The following UTP20 variants were observed in gnomAD, a reference collection of about 807,000 sequenced individuals.
UTP20 encodes small subunit processome component 20 homolog.
Under a neutral mutation model 329.5 loss-of-function variants are expected in UTP20, and 164 were observed. The ratio of observed to expected loss-of-function variants is 0.50; its 90% CI spans 0.44 to 0.57. UTP20 has a LOEUF of 0.57. UTP20 is among the 20% of genes least tolerant of loss of function. The pLI, the probability that UTP20 is intolerant of heterozygous loss-of-function variation, is 0.00. For synonymous variants in UTP20, 1,151 were observed against 1,159.3 expected, an observed-to-expected ratio of 0.99 and a Z score of 0.14; for missense variants, 3,055 against 3,284.2, an observed-to-expected ratio of 0.93 and a Z score of 1.71.
rs1221984289 is a variant in UTP20 at position 101,346,491 on chromosome 12, A to G, written c.4787A>G (p.Gln1596Arg). 1.9e-6 allele frequency: 3 copies of G among 1,610,242 alleles called. No homozygotes were observed. The highest frequency in any genetic ancestry group is 1.1e-5 in the South Asian group (1 of 90,086). ...AGAGCCTTGAAGAAACTTGCAAAAC[A>G]ACTAATGGAAGGCAAAGTTGTTCTG... ...RARALKKLAK[Q>R]LMEGKVVLSS... Residue 1596 changes from glutamine to arginine, a missense_variant, in exon 38 of 62, where the codon CAA (glutamine) becomes CGA (arginine). By Grantham distance (43) the Gln-to-Arg change is conservative. Around this residue, in one of 3 missense-constraint regions of UTP20, gnomAD observed 2,445 missense variants for 2,575.5 expected, o/e 0.95. Transcript: ENST00000261637.
chr12:101,280,589 C>T (rs1041162191), intron 1 of UTP20, among the ~76,000 whole-genome samples: 27 of 152,318 alleles, frequency 1.8e-4, no homozygotes, highest in Non-Finnish European at 3.5e-4. Context: ...ATTCACTATT[C>T]CAGGAGATTG....
Position 101,293,193 on chromosome 12 carries a change from G to A in UTP20, c.1199G>A (p.Arg400His), listed in dbSNP as rs201186982. 3.3e-5 allele frequency: 54 copies of A among 1,613,970 alleles called. No individual in the cohort carries two copies. The African/African-American group carries it at 4.1e-4, about 12-fold the overall frequency. The change falls in exon 11 of 62, where the codon CGT becomes CAT. Residue 400 changes from arginine to histidine, a missense_variant. Arg to His is a conservative substitution (Grantham distance 29). Transcript: ENST00000261637. ...EKIFESRFEK[R>H]LIFSFSEVMF... ...ATATTTGAGAGCAGATTTGAAAAAC[G>A]TTTAATTTTCAGTTTTTCTGAAGTC...
chr12:101,355,911 G>A (rs1454624560), intron 41 of UTP20, among the ~76,000 whole-genome samples: 1 of 151,830 alleles, frequency 6.6e-6, no homozygotes, highest in Non-Finnish European at 1.5e-5. Flanking sequence ...ACCGACACAC[G>A]TTTTATATGA....
At chr12:101,311,430 GC>G (rs1187691759) in intron 19 of UTP20, among the ~76,000 whole-genome samples, 1 of 152,090 alleles carries the variant, frequency 6.6e-6, no homozygotes, top group African/African-American at 2.4e-5. Context: ...TCTTATTCAT[GC>G]CCCATGCCCC....
intron 45 of UTP20, among the ~76,000 whole-genome samples, chr12:101,364,047 T>C (rs1354279450): frequency 6.6e-6 from 1 of 152,188 alleles, no homozygotes; most frequent in Non-Finnish European, 1.5e-5. Context: ...ATAGTGCTTA[T>C]CTTTGAGGTT....
intron 46 of UTP20, 136 bp downstream of exon 46, chr12:101,365,761 G>A: frequency 3.3e-6 from 2 of 598,294 alleles, no homozygotes; most frequent in South Asian, 9.9e-5. Flanking sequence ...TTTATGGTGT[G>A]ATACATTTCA....
At chr12:101,385,000 T>G (rs1416966558) in intron 60 of UTP20, among the ~76,000 whole-genome samples, 1 of 151,788 alleles carries the variant, frequency 6.6e-6, no homozygotes, top group Non-Finnish European at 1.5e-5. Flanking sequence ...GAAATTGAAA[T>G]TGGGGGTTAT....
At chr12:101,281,852 G>A (rs1012812304) in intron 2 of UTP20, among the ~76,000 whole-genome samples, 1 of 151,886 alleles carries the variant, frequency 6.6e-6, no homozygotes, top group African/African-American at 2.4e-5. Flanking sequence ...TTACAGGTAC[G>A]TGCCACCACA....
At position 101,310,595 on chromosome 12, in the gene UTP20, A is replaced by AAAAAAAAAAG. The variant is rs1330692306; in HGVS notation, c.2231+759_2231+760insAAAAAAGAAA. Among the ~76,000 whole-genome samples, 41 of 121,720 alleles carry AAAAAAAAAAG rather than the reference A, an allele frequency of 3.4e-4. 1 individual carries two copies. Among genetic ancestry groups the AAAAAAAAAAG allele is most frequent in the Non-Finnish European group, 5.6e-4 (28 of 49,772 alleles). 79.9% of individuals were successfully genotyped at this position (121,720 alleles called of 152,430 possible). A position where few individuals can be genotyped will look rare whatever the true frequency, so the allele number is the denominator to read the frequency against. On this transcript the variant is annotated intron_variant, in intron 19 of 61. Transcript: ENST00000261637. ...TGTCTCCCAAAAAAAAAAAAAAAAA[A>AAAAAAAAAAG]AAATACATGTTATGGCTCATGTGTA...
At position 101,354,912 on chromosome 12, in the gene UTP20, T is replaced by C; in HGVS notation, c.5188T>C (p.Cys1730Arg). The C allele has an allele frequency of 1.2e-6, 2 of 1,614,146 alleles. No individual in the cohort carries two copies. Among genetic ancestry groups the C allele is most frequent in the Non-Finnish European group, 1.7e-6 (2 of 1,180,026 alleles). The change falls in exon 41 of 62, where the codon TGC (cysteine) becomes CGC (arginine). Residue 1730 changes from cysteine (C) to arginine (R), a missense_variant. Cys to Arg is a radical substitution (Grantham distance 180). Coordinates refer to ENST00000261637, the MANE Select transcript of UTP20 (RefSeq NM_014503.3). ...GGATGAGGAAGAGAAGGAATATACA[T>C]GCAAGAGTTTGTCAGACAACGGACA... ...RVDEEEKEYT[C>R]KSLSDNGQPG... is the part of the protein sequence containing the mutation.
chr12:101,302,184 C>T (rs1253958998), intron 14 of UTP20, among the ~76,000 whole-genome samples: 1 of 152,196 alleles, frequency 6.6e-6, no homozygotes, highest in African/African-American at 2.4e-5. Flanking sequence ...CCCACCTCAG[C>T]ACCCCCAAAG....
intron 42 of UTP20, 52 bp downstream of exon 42, chr12:101,356,745 T>C (rs1869736554): frequency 6.4e-7 from 1 of 1,571,826 alleles, no homozygotes; most frequent in East Asian, 2.3e-5. Flanking sequence ...ATTGGTTCTT[T>C]TCTTCCTTAC....
At chr12:101,359,654 A>G (rs1869849502) in intron 43 of UTP20, among the ~76,000 whole-genome samples, 1 of 151,904 alleles carries the variant, frequency 6.6e-6, no homozygotes, top group South Asian at 2.1e-4. Context: ...TGGGTTTTTC[A>G]GTTCTAAAAT....
chr12:101,350,305 TC>T (rs1361180396), intron 38 of UTP20, among the ~76,000 whole-genome samples: 1 of 152,080 alleles, frequency 6.6e-6, no homozygotes, highest in Non-Finnish European at 1.5e-5. Flanking sequence ...TACCTGGGAC[TC>T]CAGGTGTACA....
At chr12:101,325,154 A>G (rs1005877538) in intron 25 of UTP20, among the ~76,000 whole-genome samples, 1 of 152,198 alleles carries the variant, frequency 6.6e-6, no homozygotes, top group Admixed American at 6.5e-5. Context: ...GAAAGTCCTT[A>G]CTGCTACCTA....
intron 56 of UTP20, among the ~76,000 whole-genome samples, chr12:101,378,032 G>A (rs1428022344): frequency 6.6e-6 from 1 of 151,966 alleles, no homozygotes. Flanking sequence ...GACCAGCGTG[G>A]GCAACATGGT....
At chr12:101,361,558 G>A (rs551029828) in intron 43 of UTP20, among the ~76,000 whole-genome samples, 19 of 151,920 alleles carry the variant, frequency 1.3e-4, no homozygotes, top group African/African-American at 3.9e-4. Flanking sequence ...CTCGGGAGAC[G>A]GAGGTTGCAG....
chr12:101,319,473 T>G (rs919655452), intron 22 of UTP20, 72 bp from the exon 23 acceptor site: 1 of 1,143,706 alleles, frequency 8.7e-7, no homozygotes, highest in Non-Finnish European at 1.3e-6. Context: ...AGAATAAAAT[T>G]GTAGATGTCA....
rs1290299896 is a variant in UTP20, at chr12:101,367,944, C to T, written c.6352C>T (p.Leu2118Phe). 3.1e-6 allele frequency: 5 copies of T among 1,613,494 alleles called. No individual in the cohort carries two copies. Residue 2118 changes from leucine (L) to phenylalanine (F), a missense_variant, in exon 48 of 62, where the codon CTC (leucine) becomes TTC (phenylalanine). By Grantham distance (22) the Leu-to-Phe change is conservative. Around this residue, in one of 3 missense-constraint regions of UTP20, gnomAD observed 2,445 missense variants for 2,575.5 expected, o/e 0.95. Coordinates refer to ENST00000261637, the MANE Select transcript of UTP20 (RefSeq NM_014503.3). Reference sequence around the variant, plus strand: ...AATGCTGGATCCTTTTGTGTCTCTCCTCATAGACTGCCTGGGCTCCATGGA... The same window carrying T: ...AATGCTGGATCCTTTTGTGTCTCTCTTCATAGACTGCCTGGGCTCCATGGA... ...LEMLDPFVSL[L>F]IDCLGSMDVK...
Sources: gnomAD v4.1 joint callset for allele counts (sites outside exome capture counted in the v4.1 genomes callset) on GRCh38, gnomAD v4.1.1 for gene constraint, gnomAD v4.1.1 regional missense constraint, MANE v1.5 for transcripts, NCBI Gene and HGNC (gene_info 2026-07-23, HGNC 2026-07-21) for gene names.